Variants in NUP155 observed in about 807,000 individuals in gnomAD.
NUP155 encodes nucleoporin 155.
Under a neutral mutation model 180.4 loss-of-function variants are expected in NUP155, and 71 were observed. That is an observed-to-expected ratio of 0.39 (90% CI 0.33 to 0.48). The LOEUF (loss-of-function observed/expected upper bound fraction) is 0.48, where lower values mean the gene tolerates loss of function less well. Among genes scored for constraint, NUP155 ranks in the 20% least tolerant of loss-of-function variants. The pLI, the probability that NUP155 is intolerant of heterozygous loss-of-function variation, is 0.91. For synonymous variants in NUP155, 582 were observed against 559.5 expected (o/e 1.04, Z -0.57); for missense variants, 1,553 against 1,648.9 (o/e 0.94, Z 1.01).
In NUP155 at chr5:37,327,666, G is replaced by A. The variant is rs1297928727; in HGVS notation, c.1987C>T (p.His663Tyr). Residue 663 changes from histidine to tyrosine, a missense_variant, in exon 18 of 35, where the codon CAC becomes TAC. His to Tyr is a moderately conservative substitution (Grantham distance 83). Transcript: ENST00000231498. ...GAAAAGTAAATGCAAATACCATTGTGTTTTCCAGAGTACACAATCTCTGGT... is the reference window on the plus strand; with the variant it reads ...GAAAAGTAAATGCAAATACCATTGTATTTTCCAGAGTACACAATCTCTGGT... ...TGPEIVYSGKHNGICIYFSRI... is the reference protein window; with the variant it reads ...TGPEIVYSGKYNGICIYFSRI... The A allele has an allele frequency of 3.7e-6, 6 of 1,613,958 alleles. No individual in the cohort carries two copies. Among genetic ancestry groups the A allele is most frequent in the African/African-American group, 2.7e-5 (2 of 74,896 alleles).
chr5:37,348,834 C>T (rs1746274819), intron 8 of NUP155, among the ~76,000 whole-genome samples: 1 of 151,972 alleles, frequency 6.6e-6, no homozygotes, highest in Non-Finnish European at 1.5e-5. Context: ...CGGCTCACTG[C>T]AACCTCCGCC....
chr5:37,334,617 G>C (rs1745198243), intron 12 of NUP155, among the ~76,000 whole-genome samples: 1 of 152,076 alleles, frequency 6.6e-6, no homozygotes, highest in Admixed American at 6.6e-5. Flanking sequence ...CTGACCTCAG[G>C]TGATCTGCCT....
In NUP155 at chr5:37,365,713, GAAA is replaced by G. The variant is rs869240751; in HGVS notation, c.158-1332_158-1330del. 5.7e-4 allele frequency among the ~76,000 whole-genome samples: 13 copies of G among 22,684 alleles called. 1 individual carries two copies. The highest frequency in any genetic ancestry group is 2.6e-3 in the East Asian group (2 of 778). 14.9% of individuals were successfully genotyped at this position (22,684 alleles called of 152,430 possible). A position where few individuals can be genotyped will look rare whatever the true frequency, so the allele number is the denominator to read the frequency against. On this transcript the variant is annotated intron_variant, in intron 1 of 34. Transcript: ENST00000231498. The stretch of plus-strand genomic sequence containing the variant: ...ACAGAGCAAGACTCTGTCTCGGGGA[GAAA>G]AAAAAAAAAAAAAAAAAAAAAAATA...
chr5:37,347,659 G>GC (rs1746183108), intron 9 of NUP155, among the ~76,000 whole-genome samples: 2 of 137,384 alleles, frequency 1.5e-5, no homozygotes, highest in Admixed American at 1.6e-4. Flanking sequence ...CTGCACCATT[G>GC]CACTCCAGCC....
At chr5:37,310,190 T>G (rs189540727) in intron 23 of NUP155, among the ~76,000 whole-genome samples, 1 of 152,022 alleles carries the variant, frequency 6.6e-6, no homozygotes, top group Non-Finnish European at 1.5e-5. Context: ...ACAAAAAAAT[T>G]GGCTGGGTGT....
At chr5:37,335,795 CA>C (rs1352496780) in intron 12 of NUP155, among the ~76,000 whole-genome samples, 53 of 151,846 alleles carry the variant, frequency 3.5e-4, no homozygotes, top group Non-Finnish European at 5.9e-4. Flanking sequence ...ACTAAAAATA[CA>C]AAAAAATTAG....
Position 37,323,972 on chromosome 5 carries a change from T to A in NUP155, c.2207+20A>T. On this transcript the variant is annotated intron_variant, in intron 20 of 34. Coordinates refer to ENST00000231498, the MANE Select transcript of NUP155 (RefSeq NM_153485.3). ...CAACGAAAAGAAAAAGATGAATTAA[T>A]AAACCCTATTTATTCTTACTTTGGA... The A allele has an allele frequency of 1.4e-6, 2 of 1,450,142 alleles. No individual in the cohort carries two copies. The highest frequency in any genetic ancestry group is 1.9e-6 in the Non-Finnish European group (2 of 1,030,854). The allele number at this position is 1,450,142 out of a possible 1,614,324, so 89.8% of individuals were successfully genotyped here.
intron 20 of NUP155, among the ~76,000 whole-genome samples, chr5:37,318,508 G>A (rs952491144): frequency 1.5e-5 from 2 of 136,564 alleles, no homozygotes; most frequent in Non-Finnish European, 3.2e-5. Context: ...CATCTGAAAT[G>A]TCCCCAAATC....
At chr5:37,334,351 T>A (rs973969146) in intron 12 of NUP155, among the ~76,000 whole-genome samples, 2 of 151,692 alleles carry the variant, frequency 1.3e-5, no homozygotes. Flanking sequence ...AGTCTGCCCA[T>A]CTTGGCCTCT....
chr5:37,304,946 C>A, intron 26 of NUP155, 103 bp from the exon 27 acceptor site: 1 of 1,515,042 alleles, frequency 6.6e-7, no homozygotes, highest in East Asian at 2.3e-5. Flanking sequence ...AGAATCCTTA[C>A]ATGATAACTT....
rs1746438162 is a variant in NUP155, at chr5:37,351,276, T to C, written c.637A>G (p.Thr213Ala). 6.2e-7 allele frequency: 1 copy of C among 1,612,872 alleles called. No homozygotes were observed. Among genetic ancestry groups the C allele is most frequent in the Non-Finnish European group, 8.5e-7 (1 of 1,179,032 alleles). ...DPLYSLPTDNTYLLTITSTDN... is the reference protein window; with the variant it reads ...DPLYSLPTDNAYLLTITSTDN... ...GTGGAAGTTATTGTTAAAAGGTAAGTATTATCAGTAGGAAGAGAATATAAA... is the reference window on the plus strand; with the variant it reads ...GTGGAAGTTATTGTTAAAAGGTAAGCATTATCAGTAGGAAGAGAATATAAA... The change falls in exon 6 of 35, where the codon ACT becomes GCT. Residue 213 changes from threonine (T) to alanine (A), a missense_variant. Coordinates refer to ENST00000231498, the MANE Select transcript of NUP155 (RefSeq NM_153485.3).
chr5:37,311,462 AAATAT>A (rs139107738), intron 22 of NUP155, among the ~76,000 whole-genome samples: 8,250 of 152,128 alleles, frequency 0.054, 699 homozygotes, highest in African/African-American at 0.18. Flanking sequence ...TTTCATAATT[AAATAT>A]ATTAGCTTGA....
intron 12 of NUP155, among the ~76,000 whole-genome samples, chr5:37,335,495 A>G (rs1394421059): frequency 6.6e-6 from 1 of 152,114 alleles, no homozygotes; most frequent in African/African-American, 2.4e-5. Context: ...ACCTAGACTC[A>G]ACAATTGTTA....
At chr5:37,369,472 A>G (rs1747819792) in intron 1 of NUP155, among the ~76,000 whole-genome samples, 1 of 152,196 alleles carries the variant, frequency 6.6e-6, no homozygotes, top group Non-Finnish European at 1.5e-5. Flanking sequence ...GAAGGGGAAG[A>G]GACTGGGTGA....
rs952466294 is a variant in NUP155 at position 37,312,689 on chromosome 5, C to T, written c.2436+1509G>A. On this transcript the variant is annotated intron_variant, in intron 22 of 34. Coordinates refer to ENST00000231498, the MANE Select transcript of NUP155 (RefSeq NM_153485.3). ...CAAAAAAATACAAAAATTAGCTAGG[C>T]GTAGTGGTGCGTGCCTATAGTACCA... Among the ~76,000 whole-genome samples the T allele has an allele frequency of 2.6e-5, 4 of 152,050 alleles. No individual in the cohort carries two copies. The South Asian group carries it at 6.2e-4, about 24-fold the overall frequency.
chr5:37,346,749 A>G, intron 9 of NUP155, among the ~76,000 whole-genome samples: 1 of 152,000 alleles, frequency 6.6e-6, no homozygotes, highest in East Asian at 1.9e-4. Flanking sequence ...GGTAATGCAG[A>G]TTGTCTGAAG....
chr5:37,295,397 C>A (rs972759012), intron 32 of NUP155, among the ~76,000 whole-genome samples: 1 of 152,116 alleles, frequency 6.6e-6, no homozygotes, highest in Non-Finnish European at 1.5e-5. Flanking sequence ...CGGCTCCCTA[C>A]AACATCCACC....
At chr5:37,324,948 G>A (rs1401830729) in intron 19 of NUP155, among the ~76,000 whole-genome samples, 18 of 152,130 alleles carry the variant, frequency 1.2e-4, no homozygotes, top group African/African-American at 4.3e-4. Flanking sequence ...TCAGGAGTTC[G>A]AGACCAGCCT....
chr5:37,361,319 G>C (rs1022276630), intron 3 of NUP155, among the ~76,000 whole-genome samples: 11 of 143,914 alleles, frequency 7.6e-5, no homozygotes, highest in African/African-American at 2.1e-4. Context: ...GAGAGAGAGA[G>C]AGAAATAAAG....
Sources: gnomAD v4.1 joint callset for allele counts (sites outside exome capture counted in the v4.1 genomes callset) on GRCh38, gnomAD v4.1.1 for gene constraint, MANE v1.5 for transcripts, NCBI Gene and HGNC (gene_info 2026-07-23, HGNC 2026-07-21) for gene names.